The following ENTREP2 variants were observed in gnomAD, a reference collection of about 807,000 sequenced individuals.
The protein encoded by ENTREP2 is protein ENTREP2.
chr15:29,638,083 T>C, the ENTREP2 span, among the ~76,000 whole-genome samples: 2 of 152,192 alleles, frequency 1.3e-5, no homozygotes, highest in Non-Finnish European at 2.9e-5. Context: ...GGCTGCTGCC[T>C]GCTGATCAGA....
chr15:29,340,049 A>T, the ENTREP2 span, among the ~76,000 whole-genome samples: 1 of 152,258 alleles, frequency 6.6e-6, no homozygotes, highest in Non-Finnish European at 1.5e-5. Context: ...CTCTTGAAGC[A>T]CTGGTGTTTT....
the ENTREP2 span, among the ~76,000 whole-genome samples, chr15:29,257,083 T>A: frequency 2.7e-4 from 39 of 142,232 alleles, no homozygotes; most frequent in African/African-American, 1.1e-3. Flanking sequence ...TATTTATTTA[T>A]TTATCTTGAG....
chr15:29,570,930 T>G, the ENTREP2 span, among the ~76,000 whole-genome samples: 1 of 143,138 alleles, frequency 7.0e-6, no homozygotes, highest in Non-Finnish European at 1.5e-5. Flanking sequence ...CCCGCGCCCA[T>G]GCCGCCGCCG....
At chr15:29,149,521 C>A in the ENTREP2 span, among the ~76,000 whole-genome samples, 1 of 152,240 alleles carries the variant, frequency 6.6e-6, no homozygotes, top group African/African-American at 2.4e-5. Context: ...CCTCGGCCCA[C>A]ATGGCAAGAG....
At chr15:29,654,821 A>C in the ENTREP2 span, among the ~76,000 whole-genome samples, 1 of 152,132 alleles carries the variant, frequency 6.6e-6, no homozygotes, top group Non-Finnish European at 1.5e-5. Context: ...TTGTGTCCTG[A>C]CTAATACCTC....
the ENTREP2 span, among the ~76,000 whole-genome samples, chr15:29,152,215 A>G: frequency 1.3e-5 from 2 of 152,208 alleles, no homozygotes; most frequent in Non-Finnish European, 2.9e-5. Flanking sequence ...ATAATTGTAT[A>G]TTCACATGCA....
chr15:29,332,219 G>T, the ENTREP2 span, among the ~76,000 whole-genome samples: 2 of 151,896 alleles, frequency 1.3e-5, no homozygotes, highest in African/African-American at 4.8e-5. Context: ...AAGTTAAACA[G>T]GAAATTACAA....
the ENTREP2 span, among the ~76,000 whole-genome samples, chr15:29,531,907 C>T: frequency 5.8e-3 from 881 of 152,312 alleles, 14 homozygotes; most frequent in African/African-American, 0.02. Flanking sequence ...CTCAGGTGAT[C>T]CACCTGCCCC....
the ENTREP2 span, among the ~76,000 whole-genome samples, chr15:29,431,202 G>A: frequency 1.3e-5 from 2 of 152,082 alleles, no homozygotes; most frequent in African/African-American, 2.4e-5. Flanking sequence ...GTAAAATCAC[G>A]CTGGCAGTAA....
the ENTREP2 span, among the ~76,000 whole-genome samples, chr15:29,417,312 G>A: frequency 6.6e-6 from 1 of 152,188 alleles, no homozygotes; most frequent in Non-Finnish European, 1.5e-5. Flanking sequence ...ATACTATGCA[G>A]CCATAAAAAA....
At chr15:29,273,270 C>A in the ENTREP2 span, among the ~76,000 whole-genome samples, 1 of 146,564 alleles carries the variant, frequency 6.8e-6, no homozygotes, top group Non-Finnish European at 1.5e-5. Flanking sequence ...ACGATCTTGG[C>A]TCACTGCAAC....
chr15:29,215,659 T>G, the ENTREP2 span, among the ~76,000 whole-genome samples: 1 of 151,908 alleles, frequency 6.6e-6, no homozygotes, highest in African/African-American at 2.4e-5. Flanking sequence ...ATGTCCCACT[T>G]TGTCTCTTTT....
At chr15:29,322,733 C>A in the ENTREP2 span, among the ~76,000 whole-genome samples, 1 of 152,182 alleles carries the variant, frequency 6.6e-6, no homozygotes, top group Admixed American at 6.5e-5. Context: ...CTCCTTTTCA[C>A]GTGCAACACG....
chr15:29,393,121 A>AT, the ENTREP2 span, among the ~76,000 whole-genome samples: 1 of 152,210 alleles, frequency 6.6e-6, no homozygotes, highest in Non-Finnish European at 1.5e-5. Flanking sequence ...ATTCCAAGAC[A>AT]TGTTGTCCCA....
the ENTREP2 span, among the ~76,000 whole-genome samples, chr15:29,471,633 G>C: frequency 6.6e-6 from 1 of 152,194 alleles, no homozygotes; most frequent in Non-Finnish European, 1.5e-5. Context: ...GGCAGCACGG[G>C]GGCCAAGGGC....
At chr15:29,436,119 G>A in the ENTREP2 span, among the ~76,000 whole-genome samples, 3 of 152,092 alleles carry the variant, frequency 2.0e-5, no homozygotes, top group Admixed American at 1.3e-4. Context: ...CCATTCCATC[G>A]GGCAGTTCAG....
chr15:29,123,542 AG>A, the ENTREP2 span: 1 of 1,551,660 alleles, frequency 6.4e-7, no homozygotes. Context: ...CGCTCTTTGG[AG>A]GTCGCTGGGA....
chr15:29,195,225 G>A, the ENTREP2 span: 10 of 985,198 alleles, frequency 1.0e-5, no homozygotes, highest in African/African-American at 1.7e-5. Flanking sequence ...CCATTCCTCC[G>A]TGCAAAACAT....
the ENTREP2 span, among the ~76,000 whole-genome samples, chr15:29,491,255 C>T: frequency 1.3e-5 from 2 of 152,080 alleles, no homozygotes; most frequent in South Asian, 2.1e-4. Context: ...CGCACCCCTC[C>T]CTCCACACCT....
Sources: allele counts gnomAD v4.1 joint callset (sites outside exome capture counted in the v4.1 genomes callset), GRCh38; gene constraint gnomAD v4.1.1; transcripts MANE v1.5; gene names NCBI Gene and HGNC (gene_info 2026-07-23, HGNC 2026-07-21).